Variants in CAMK1D observed in about 807,000 individuals in gnomAD.
The protein encoded by CAMK1D is calcium/calmodulin-dependent protein kinase type 1D.
Under a neutral mutation model 47.7 loss-of-function variants are expected in CAMK1D, and 9 were observed. The ratio of observed to expected loss-of-function variants is 0.19; its 90% CI spans 0.11 to 0.33. CAMK1D has a LOEUF of 0.33. CAMK1D is among the 10% of genes least tolerant of loss of function. The probability of loss-of-function intolerance (pLI) is 1.00; values close to 1 mark genes in which losing one functional copy is unlikely to be tolerated. For synonymous variants in CAMK1D, 184 were observed against 184.9 expected, an observed-to-expected ratio of 0.99 and a Z score of 0.04; for missense variants, 291 against 488.7, an observed-to-expected ratio of 0.60 and a Z score of 3.81.
chr10:12,564,165 C>CTCTCTCTCTCTGTCTG (rs1837052017), intron 2 of CAMK1D, among the ~76,000 whole-genome samples: 1 of 150,800 alleles, frequency 6.6e-6, no homozygotes, highest in African/African-American at 2.5e-5. Flanking sequence ...CTCTCTCTCT[C>CTCTCTCTCTCTGTCTG]TCTCTCTCTC....
At chr10:12,358,190 A>G (rs1837568498) in intron 1 of CAMK1D, among the ~76,000 whole-genome samples, 1 of 152,012 alleles carries the variant, frequency 6.6e-6, no homozygotes. Context: ...GTACCACTAC[A>G]CCCCAGCCTG....
intron 2 of CAMK1D, among the ~76,000 whole-genome samples, chr10:12,652,713 T>A (rs950662390): frequency 2.0e-5 from 3 of 152,240 alleles, no homozygotes; most frequent in Non-Finnish European, 2.9e-5. Context: ...GTTTCTTGAG[T>A]TGACATCCTT....
intron 1 of CAMK1D, among the ~76,000 whole-genome samples, chr10:12,534,184 ATCTGTC>A: frequency 6.6e-6 from 1 of 150,692 alleles, no homozygotes; most frequent in East Asian, 2.0e-4. Flanking sequence ...CTATCTATCT[ATCTGTC>A]TATCTATCTA....
intron 3 of CAMK1D, among the ~76,000 whole-genome samples, chr10:12,700,961 A>C (rs1442553155): frequency 6.6e-6 from 1 of 152,210 alleles, no homozygotes; most frequent in African/African-American, 2.4e-5. Context: ...AAAGCATAAA[A>C]TTTTCTCCTT....
chr10:12,727,154 C>G (rs1834682466), intron 3 of CAMK1D, among the ~76,000 whole-genome samples: 1 of 152,202 alleles, frequency 6.6e-6, no homozygotes, highest in Admixed American at 6.5e-5. Flanking sequence ...TGTAAAAACT[C>G]ATCATCTGAG....
chr10:12,387,392 ATATATTTTTATATATTATATATATTT>A (rs1265705623), intron 1 of CAMK1D, among the ~76,000 whole-genome samples: 1,248 of 43,450 alleles, frequency 0.029, 32 homozygotes, highest in African/African-American at 0.056. Flanking sequence ...TATATATATT[ATATATTTTTATATATTATATATATTT>A]TATATATTTT....
intron 1 of CAMK1D, among the ~76,000 whole-genome samples, chr10:12,379,734 CA>C (rs1838285581): frequency 6.6e-6 from 1 of 152,060 alleles, no homozygotes; most frequent in African/African-American, 2.4e-5. Context: ...GTCTGGGCGG[CA>C]AAGCGAAACC....
intron 1 of CAMK1D, among the ~76,000 whole-genome samples, chr10:12,360,370 C>A (rs1837621635): frequency 6.6e-6 from 1 of 152,126 alleles, no homozygotes; most frequent in Admixed American, 6.6e-5. Context: ...AACCCTAGAC[C>A]TTTGTAGCTT....
chr10:12,819,808 C>T (rs1564587093), intron 8 of CAMK1D, among the ~76,000 whole-genome samples: 1 of 151,884 alleles, frequency 6.6e-6, no homozygotes, highest in Admixed American at 6.6e-5. Flanking sequence ...GGGGCTGGCC[C>T]AGAGGAGGGT....
intron 3 of CAMK1D, among the ~76,000 whole-genome samples, chr10:12,693,981 TTA>T (rs71386112): frequency 0.85 from 63,339 of 74,452 alleles, 27,146 homozygotes; most frequent in Middle Eastern, 0.93. Context: ...ATAATATATA[TTA>T]TATATACATA....
At chr10:12,484,258 C>T (rs951550007) in intron 1 of CAMK1D, among the ~76,000 whole-genome samples, 5 of 152,226 alleles carry the variant, frequency 3.3e-5, no homozygotes, top group African/African-American at 1.2e-4. Flanking sequence ...CTGCTTCCGG[C>T]CCCGCCTGCT....
At chr10:12,390,118 C>T (rs528476543) in intron 1 of CAMK1D, among the ~76,000 whole-genome samples, 87 of 152,198 alleles carry the variant, frequency 5.7e-4, no homozygotes, top group Non-Finnish European at 1.1e-3. Context: ...ATATTTTTAC[C>T]TTTTATAAAG....
At chr10:12,822,563 C>A (rs928775283) in intron 8 of CAMK1D, among the ~76,000 whole-genome samples, 1 of 152,236 alleles carries the variant, frequency 6.6e-6, no homozygotes, top group Non-Finnish European at 1.5e-5. Context: ...GTCTCCCCGA[C>A]CCCAGCACCA....
chr10:12,737,218 T>A (rs1184209188), intron 3 of CAMK1D, among the ~76,000 whole-genome samples: 1 of 151,992 alleles, frequency 6.6e-6, no homozygotes, highest in Non-Finnish European at 1.5e-5. Flanking sequence ...TTTCTTTCCC[T>A]CCCTGTTGTT....
chr10:12,375,217 T>G (rs1178879933), intron 1 of CAMK1D, among the ~76,000 whole-genome samples: 3 of 152,162 alleles, frequency 2.0e-5, no homozygotes, highest in African/African-American at 7.2e-5. Context: ...GCACACTGAG[T>G]AATGGATGGA....
intron 3 of CAMK1D, among the ~76,000 whole-genome samples, chr10:12,704,059 C>T (rs1588825505): frequency 1.3e-5 from 2 of 151,074 alleles, no homozygotes; most frequent in African/African-American, 2.4e-5. Context: ...CTGTTTGAAA[C>T]GTGTGTGTGT....
In CAMK1D at chr10:12,828,966, C is replaced by T. The variant is rs1272717878; in HGVS notation, c.*79C>T. ...TCGCCAGAGCCGCGAGCCACTCCAG[C>T]GAGACCCCACCTTGCATGGTGCCCC... is the stretch of plus-strand genomic sequence containing the variant. On this transcript the variant is annotated 3_prime_UTR_variant, in exon 11 of 11. Coordinates refer to ENST00000619168, the MANE Select transcript of CAMK1D (RefSeq NM_153498.4). 21 of 1,028,750 alleles carry T rather than the reference C, an allele frequency of 2.0e-5. No homozygotes were observed. Among genetic ancestry groups the T allele is most frequent in the Admixed American group, 8.1e-5 (3 of 36,926 alleles). 63.7% of individuals were successfully genotyped at this position (1,028,750 alleles called of 1,614,324 possible).
intron 3 of CAMK1D, among the ~76,000 whole-genome samples, chr10:12,750,678 AATGAATGAATGAATG>A (rs912018414): frequency 1.3e-5 from 2 of 152,204 alleles, no homozygotes; most frequent in African/African-American, 2.4e-5. Context: ...AGAATGAATG[AATGAATGAATGAATG>A]ATGAATGAAT....
At chr10:12,540,886 G>A (rs1203797023) in intron 1 of CAMK1D, among the ~76,000 whole-genome samples, 2 of 151,166 alleles carry the variant, frequency 1.3e-5, no homozygotes, top group Non-Finnish European at 2.9e-5. Flanking sequence ...TGGTTGGTCG[G>A]GCACTGGTCC....
Sources: allele counts gnomAD v4.1 joint callset (sites outside exome capture counted in the v4.1 genomes callset), GRCh38; gene constraint gnomAD v4.1.1; transcripts MANE v1.5; gene names NCBI Gene and HGNC (gene_info 2026-07-23, HGNC 2026-07-21).